Variants in CACNA1I observed in about 807,000 individuals in gnomAD.
The protein encoded by CACNA1I is calcium voltage-gated channel subunit alpha1 I.
A neutral mutation model predicts 201.6 loss-of-function variants in CACNA1I; 74 were observed. The observed-to-expected ratio is 0.37, with a 90% confidence interval of 0.30 to 0.45. The LOEUF is 0.45. CACNA1I is among the 20% of genes least tolerant of loss of function. The pLI, the probability that CACNA1I is intolerant of heterozygous loss-of-function variation, is 1.00. For synonymous variants in CACNA1I, 1,431 were observed against 1,345.2 expected, an observed-to-expected ratio of 1.06 and a Z score of -1.40; for missense variants, 2,346 against 3,138.1, an observed-to-expected ratio of 0.75 and a Z score of 6.03.
chr22:39,637,097 AG>A (rs930763512), intron 5 of CACNA1I, among the ~76,000 whole-genome samples: 1 of 152,184 alleles, frequency 6.6e-6, no homozygotes, highest in Non-Finnish European at 1.5e-5. Flanking sequence ...GACCCCTTCC[AG>A]GGGCCAGGGC....
Position 39,665,402 on chromosome 22 carries a change from C to G in CACNA1I, c.3852-96C>G, listed in dbSNP as rs1345484370. 2.0e-6 allele frequency: 3 copies of G among 1,467,568 alleles called. No individual in the cohort carries two copies. The highest frequency in any genetic ancestry group is 2.8e-6 in the Non-Finnish European group (3 of 1,076,272). 90.9% of individuals were successfully genotyped at this position (1,467,568 alleles called of 1,614,324 possible). A position where few individuals can be genotyped will look rare whatever the true frequency, so the allele number is the denominator to read the frequency against. ...CCTGGTGAGCCCTGGGGACTCATGC[C>G]CTGGGATACTCAGCCCTGGTGACTC... On this transcript the variant is annotated intron_variant, in intron 21 of 36. Coordinates refer to ENST00000402142, the MANE Select transcript of CACNA1I (RefSeq NM_021096.4). This position sits in a 1 kb window ranked among gnomAD's most constrained non-coding sequence, Gnocchi z 5.5.
intron 1 of CACNA1I, among the ~76,000 whole-genome samples, chr22:39,574,193 A>C (rs142343594): frequency 1.4e-4 from 22 of 152,318 alleles, no homozygotes; most frequent in African/African-American, 5.3e-4. Flanking sequence ...CTGAAATTCT[A>C]AGCTTCTGTC....
Position 39,646,807 on chromosome 22 carries a change from G to A in CACNA1I, c.1388G>A (p.Arg463Gln), listed in dbSNP as rs752533365. The A allele has an allele frequency of 2.5e-5, 39 of 1,553,250 alleles. 1 individual carries two copies. In the South Asian group the frequency reaches 2.6e-4, roughly 10 times the overall value. Residue 463 changes from arginine to glutamine, a missense_variant, in exon 8 of 37, where the codon CGG (arginine) becomes CAG (glutamine). Arg to Gln is a conservative substitution (Grantham distance 43). Coordinates refer to ENST00000402142, the MANE Select transcript of CACNA1I (RefSeq NM_021096.4). The stretch of plus-strand genomic sequence containing the variant: ...GGCCTCTACCAGGCCCTGCAGAGCC[G>A]GCGCCAGGCCCTGGGCCCGGAGGCC... Reference protein sequence around the residue: ...ALGLYQALQSRRQALGPEAPA... With the variant: ...ALGLYQALQSQRQALGPEAPA...
In CACNA1I at chr22:39,640,849, AC is replaced by A. The variant is rs1569075393; in HGVS notation, c.741-15del. On this transcript the variant is annotated splice_polypyrimidine_tract_variant and intron_variant, in intron 5 of 36. Transcript: ENST00000402142. ...CCCCTCCCCTTTCCCTCTTTTACCC[AC>A]CCTCGCCTGTGGACAGACAAGGGGA... The A allele has an allele frequency of 6.3e-7, 1 of 1,595,552 alleles. No individual in the cohort carries two copies. The highest frequency in any genetic ancestry group is 1.3e-5 in the African/African-American group (1 of 74,508).
chr22:39,620,768 T>C lies in CACNA1I; in HGVS notation c.580+1361T>C, dbSNP rs534751779. Reference sequence around the variant, plus strand: ...TTTGTTTGTTTGTTTGTTTGTTTTTTTTGAGACACAGCCCGTAGCTCTGTT... The same window carrying C: ...TTTGTTTGTTTGTTTGTTTGTTTTTCTTGAGACACAGCCCGTAGCTCTGTT... On this transcript the variant is annotated intron_variant, in intron 4 of 36. Coordinates refer to ENST00000402142, the MANE Select transcript of CACNA1I (RefSeq NM_021096.4). Among the ~76,000 whole-genome samples, 467 of 144,230 alleles carry C rather than the reference T, an allele frequency of 3.2e-3. 2 individuals are homozygous for C. The highest frequency in any genetic ancestry group is 0.011 in the African/African-American group (457 of 40,694). The allele number at this position is 144,230 out of a possible 152,430, so 94.6% of individuals were successfully genotyped here. A position where few individuals can be genotyped will look rare whatever the true frequency, so the allele number is the denominator to read the frequency against.
rs746733037 is a variant in CACNA1I at position 39,624,176 on chromosome 22, G to A, written c.580+4769G>A. On this transcript the variant is annotated intron_variant, in intron 4 of 36. Coordinates refer to ENST00000402142, the MANE Select transcript of CACNA1I (RefSeq NM_021096.4). ...TGTGTGTGCCTGTGAGGGTGTGTGT[G>A]TGTGAAGAGCGTGCGTGCGCCTTGC... Among the ~76,000 whole-genome samples the A allele has an allele frequency of 3.1e-4, 47 of 152,160 alleles. 1 individual carries two copies. Among genetic ancestry groups the A allele is most frequent in the Middle Eastern group, 6.8e-3 (2 of 292 alleles).
At chr22:39,679,469 GA>G (rs1032929773) in intron 32 of CACNA1I, 24 bp downstream of exon 32, 6 of 1,388,756 alleles carry the variant, frequency 4.3e-6, no homozygotes, top group Non-Finnish European at 5.6e-6. Context: ...GGAGAGGTGT[GA>G]GGGTCGCCAG....
chr22:39,630,300 C>T (rs537726302), intron 4 of CACNA1I, among the ~76,000 whole-genome samples: 1 of 152,244 alleles, frequency 6.6e-6, no homozygotes, highest in Non-Finnish European at 1.5e-5. Context: ...GAGGACGTGA[C>T]CTTGTGTATC....
intron 31 of CACNA1I, 29 bp downstream of exon 31, chr22:39,678,137 A>C (rs1432527034): frequency 6.2e-7 from 1 of 1,604,206 alleles, no homozygotes; most frequent in East Asian, 2.2e-5. Flanking sequence ...GGGTGGAGAA[A>C]TCAGCCAGGT....
At chr22:39,628,610 G>T (rs1933962998) in intron 4 of CACNA1I, among the ~76,000 whole-genome samples, 1 of 152,148 alleles carries the variant, frequency 6.6e-6, no homozygotes, top group Non-Finnish European at 1.5e-5. Flanking sequence ...CCAGCCCACA[G>T]GCCCCTCCCT....
At chr22:39,643,072 G>A (rs1285401132) in intron 7 of CACNA1I, among the ~76,000 whole-genome samples, 183 bp downstream of exon 7, 1 of 152,160 alleles carries the variant, frequency 6.6e-6, no homozygotes, top group Non-Finnish European at 1.5e-5. Flanking sequence ...GGCTCATCAG[G>A]GGCGGCTGTC....
intron 3 of CACNA1I, among the ~76,000 whole-genome samples, chr22:39,617,583 G>A (rs1283061944): frequency 1.3e-5 from 2 of 152,188 alleles, no homozygotes; most frequent in African/African-American, 4.8e-5. Flanking sequence ...GTGCCTGTGT[G>A]TGCCACCCCC....
intron 3 of CACNA1I, among the ~76,000 whole-genome samples, chr22:39,605,826 G>C (rs901001034): frequency 6.6e-6 from 1 of 152,074 alleles, no homozygotes; most frequent in African/African-American, 2.4e-5. Flanking sequence ...AAGCATGCAG[G>C]AGGCCTGAGG....
chr22:39,572,751 A>C (rs1017524639), intron 1 of CACNA1I, among the ~76,000 whole-genome samples: 1 of 149,204 alleles, frequency 6.7e-6, no homozygotes, highest in African/African-American at 2.5e-5. Context: ...AGCAGGGACC[A>C]CCCATTTGGC....
In CACNA1I at chr22:39,649,972, C is replaced by A. The variant is rs368684525; in HGVS notation, c.1992+47C>A. The A allele has an allele frequency of 3.1e-6, 5 of 1,590,624 alleles. No individual in the cohort carries two copies. The highest frequency in any genetic ancestry group is 4.3e-6 in the Non-Finnish European group (5 of 1,161,154). ...CGGGCCTGCGGGAGAGGTGTGAGGG[C>A]CCCAGGACCCTGCCCAGGCCTGGGC... On this transcript the variant is annotated intron_variant, in intron 10 of 36. Transcript: ENST00000402142. The surrounding 1 kb of genome is among the most constrained non-coding windows in gnomAD (Gnocchi z 7.3).
chr22:39,653,853 T>G (rs530173643), intron 10 of CACNA1I, among the ~76,000 whole-genome samples: 19 of 152,322 alleles, frequency 1.2e-4, no homozygotes, highest in African/African-American at 3.8e-4. Flanking sequence ...TTGCAGGGCC[T>G]GGCCTAGAAG....
In CACNA1I at chr22:39,659,576, T is replaced by A. The variant is rs567647837; in HGVS notation, c.2448+26T>A. 38 of 1,604,100 alleles carry A rather than the reference T, an allele frequency of 2.4e-5. No individual in the cohort carries two copies. In the East Asian group the frequency reaches 8.3e-4, roughly 35 times the overall value. ...GTGAGTGGCCGCTGCGTGTTCATGT[T>A]TGCTGGGGAAGCGATGGGACAGTAG... On this transcript the variant is annotated intron_variant, in intron 13 of 36. Transcript: ENST00000402142. The surrounding 1 kb of genome is among the most constrained non-coding windows in gnomAD (Gnocchi z 4.3).
chr22:39,585,584 C>T (rs1376813277), intron 1 of CACNA1I, among the ~76,000 whole-genome samples: 1 of 149,798 alleles, frequency 6.7e-6, no homozygotes, highest in South Asian at 2.1e-4. Flanking sequence ...GATGGAGTTT[C>T]ACCACGTTGA....
At chr22:39,598,941 G>GTT (rs3044380) in intron 2 of CACNA1I, among the ~76,000 whole-genome samples, 16,232 of 68,102 alleles carry the variant, frequency 0.24, 3,949 homozygotes, top group East Asian at 0.67. Flanking sequence ...TGCCTCTTGG[G>GTT]TTTTTTTTTT....
Sources: gnomAD v4.1 joint callset for allele counts (sites outside exome capture counted in the v4.1 genomes callset) on GRCh38, gnomAD v4.1.1 for gene constraint, Gnocchi (gnomAD v3.1) non-coding constraint, MANE v1.5 for transcripts, NCBI Gene and HGNC (gene_info 2026-07-23, HGNC 2026-07-21) for gene names.